PYROXD1: variants seen among roughly 807,000 people sequenced by gnomAD.
PYROXD1 encodes the protein pyridine nucleotide-disulphide oxidoreductase domain 1.
PYROXD1 carries 42 observed loss-of-function variants against 62.0 expected under a neutral mutation model. The ratio of observed to expected loss-of-function variants is 0.68; its 90% confidence interval spans 0.53 to 0.88. PYROXD1 has a LOEUF of 0.88. Ranked by LOEUF, PYROXD1 falls within the 40% of genes least tolerant of loss-of-function variation. The pLI, the probability that PYROXD1 is intolerant of heterozygous loss-of-function variation, is 0.00. For missense variants in PYROXD1, 493 were observed against 604.8 expected (o/e 0.82, Z 1.94); for synonymous variants, 170 against 206.4 (o/e 0.82, Z 1.51).
intron 7 of PYROXD1, among the ~76,000 whole-genome samples, chr12:21,460,425 A>T (rs867805065): frequency 2.0e-4 from 22 of 108,814 alleles, no homozygotes; most frequent in East Asian, 8.3e-4. Flanking sequence ...TATTTATTTT[A>T]TTTATTTATT....
At chr12:21,444,005 TA>T (rs1481988218) in intron 2 of PYROXD1, among the ~76,000 whole-genome samples, 1 of 152,242 alleles carries the variant, frequency 6.6e-6, no homozygotes, top group African/African-American at 2.4e-5. Context: ...CTGGGTCTCA[TA>T]AGTATCTTTC....
At chr12:21,464,597 T>A (rs1247706543) in intron 10 of PYROXD1, among the ~76,000 whole-genome samples, 1 of 152,152 alleles carries the variant, frequency 6.6e-6, no homozygotes, top group Non-Finnish European at 1.5e-5. Flanking sequence ...CCTGTTTAAT[T>A]CTCTCAATAG....
intron 4 of PYROXD1, 24 bp from the exon 5 acceptor site, chr12:21,452,057 C>G (rs750342897): frequency 7.3e-7 from 1 of 1,378,934 alleles, no homozygotes; most frequent in South Asian, 1.3e-5. Flanking sequence ...AAAATACTAC[C>G]TCATTATTTT....
At chr12:21,453,997 G>A (rs557315630) in intron 5 of PYROXD1, among the ~76,000 whole-genome samples, 15 of 150,890 alleles carry the variant, frequency 9.9e-5, no homozygotes, top group Non-Finnish European at 4.4e-5. Context: ...ACATAAAATA[G>A]AATGTTCACC....
intron 3 of PYROXD1, among the ~76,000 whole-genome samples, chr12:21,445,788 G>A (rs1352841615): frequency 2.0e-5 from 3 of 152,136 alleles, no homozygotes; most frequent in Admixed American, 6.5e-5. Flanking sequence ...AACTGTCAGT[G>A]TCAAAGGGAA....
At chr12:21,457,218 T>C (rs1359245511) in intron 7 of PYROXD1, 1 of 205,304 alleles carries the variant, frequency 4.9e-6, no homozygotes, top group Non-Finnish European at 1.0e-5. Flanking sequence ...TTTTCCCAGA[T>C]CCATCAGATG....
chr12:21,448,593 A>C (rs1454070749), intron 3 of PYROXD1, among the ~76,000 whole-genome samples: 1 of 152,200 alleles, frequency 6.6e-6, no homozygotes, highest in Non-Finnish European at 1.5e-5. Flanking sequence ...GGTTTTATGT[A>C]TTTGTTATGG....
intron 4 of PYROXD1, among the ~76,000 whole-genome samples, chr12:21,451,065 T>C (rs1207085554): frequency 6.6e-6 from 1 of 152,088 alleles, no homozygotes; most frequent in African/African-American, 2.4e-5. Context: ...ACTTCAGTTG[T>C]TTTTTTCTTG....
chr12:21,448,185 C>G (rs896678101), intron 3 of PYROXD1: 1 of 640,662 alleles, frequency 1.6e-6, no homozygotes, highest in Non-Finnish European at 3.0e-6. Context: ...GGCATCAGGG[C>G]CTTCACAGCC....
chr12:21,464,105 C>A (rs1447860178), intron 10 of PYROXD1, among the ~76,000 whole-genome samples: 5 of 150,764 alleles, frequency 3.3e-5, no homozygotes. Context: ...TGTGGCAAGA[C>A]TATCACAAAT....
chr12:21,463,503 C>T (rs1025873478), intron 10 of PYROXD1, among the ~76,000 whole-genome samples: 1 of 151,964 alleles, frequency 6.6e-6, no homozygotes, highest in Non-Finnish European at 1.5e-5. Flanking sequence ...CCAGCCTGAA[C>T]AACATGATGA....
rs757384540 is a variant in PYROXD1 at position 21,461,187 on chromosome 12, C to T, written c.880+33C>T. 7 of 1,315,278 alleles carry T rather than the reference C, an allele frequency of 5.3e-6. No homozygotes were observed. The Admixed American group carries it at 2.0e-4, about 37-fold the overall frequency. 81.5% of individuals were successfully genotyped at this position (1,315,278 alleles called of 1,614,324 possible). A position where few individuals can be genotyped will look rare whatever the true frequency, so the allele number is the denominator to read the frequency against. On this transcript the variant is annotated intron_variant, in intron 8 of 11. Coordinates refer to ENST00000240651, the MANE Select transcript of PYROXD1 (RefSeq NM_024854.5). ...ATGAAATAAGAAAAAATATATATAA[C>T]CACTTAATTAAAAGGAAAACAATTT...
chr12:21,467,393 A>C, intron 10 of PYROXD1, 88 bp from the exon 11 acceptor site: 1 of 1,211,094 alleles, frequency 8.3e-7, no homozygotes, highest in Non-Finnish European at 1.1e-6. Flanking sequence ...TCAAACATTG[A>C]ACTCCTTTAA....
At chr12:21,454,064 G>A (rs7980957) in intron 5 of PYROXD1, among the ~76,000 whole-genome samples, 74,696 of 151,620 alleles carry the variant, frequency 0.49, 18,458 homozygotes, top group Middle Eastern at 0.59. Context: ...GACTTATTAG[G>A]TAAAGCAAGG....
intron 10 of PYROXD1, among the ~76,000 whole-genome samples, chr12:21,464,734 T>TTTA (rs1555142139): frequency 6.0e-5 from 9 of 150,244 alleles, no homozygotes; most frequent in African/African-American, 1.2e-4. Flanking sequence ...GTTTTTTTTT[T>TTTA]TTATTATTAT....
In PYROXD1 at chr12:21,471,054, T is replaced by C; in HGVS notation, c.*2300T>C. On this transcript the variant is annotated 3_prime_UTR_variant, in exon 12 of 12. Transcript: ENST00000240651. ...CAGAAGATTAGCTTTAGGTCCTATT[T>C]TCAAATACGAAATGGTAGCATAAGC... The C allele has an allele frequency of 6.2e-7, 1 of 1,602,500 alleles. No individual in the cohort carries two copies.
At chr12:21,437,861 G>C (rs938434940) in intron 1 of PYROXD1, 47 bp downstream of exon 1, 4 of 1,546,784 alleles carry the variant, frequency 2.6e-6, no homozygotes, top group Non-Finnish European at 3.5e-6. Context: ...GACCCCAAAG[G>C]GGATAGCACT....
chr12:21,464,442 A>G (rs1348922489), intron 10 of PYROXD1, among the ~76,000 whole-genome samples: 1 of 137,166 alleles, frequency 7.3e-6, no homozygotes. Flanking sequence ...GAGGAGATTG[A>G]AAAAAAAAAA....
At chr12:21,451,325 T>G (rs1038969358) in intron 4 of PYROXD1, among the ~76,000 whole-genome samples, 2 of 152,006 alleles carry the variant, frequency 1.3e-5, no homozygotes, top group African/African-American at 4.8e-5. Context: ...ATGTGCCATG[T>G]TGGTGTGCTG....
Sources: allele counts gnomAD v4.1 joint callset (sites outside exome capture counted in the v4.1 genomes callset), GRCh38; gene constraint gnomAD v4.1.1; transcripts MANE v1.5; gene names NCBI Gene and HGNC (gene_info 2026-07-23, HGNC 2026-07-21).